Variants in TRPM3 observed in about 807,000 individuals in gnomAD.
TRPM3 encodes transient receptor potential cation channel subfamily M member 3, also known as long transient receptor potential channel 3.
A neutral mutation model predicts 181.2 loss-of-function variants in TRPM3; 77 were observed. That is an observed-to-expected ratio of 0.42 (90% confidence interval 0.35 to 0.51). TRPM3 has a LOEUF of 0.51. Among genes scored for constraint, TRPM3 ranks in the 20% least tolerant of loss-of-function variants. TRPM3 has a pLI of 0.01. For synonymous variants in TRPM3, 745 were observed against 796.4 expected, an observed-to-expected ratio of 0.94 and a Z score of 1.09; for missense variants, 1,759 against 2,196.7, an observed-to-expected ratio of 0.80 and a Z score of 3.98.
chr9:71,402,951 A>C (rs939474505), intron 1 of TRPM3, among the ~76,000 whole-genome samples: 5 of 152,168 alleles, frequency 3.3e-5, no homozygotes, highest in Non-Finnish European at 7.4e-5. Context: ...CCCTTGCAAA[A>C]GTTATAAAGA....
chr9:70,637,880 C>A (rs1390397780), intron 11 of TRPM3, among the ~76,000 whole-genome samples: 3 of 152,102 alleles, frequency 2.0e-5, no homozygotes, highest in African/African-American at 7.2e-5. Flanking sequence ...TGTTTGTGTC[C>A]TCTCCAGAAT....
intron 1 of TRPM3, among the ~76,000 whole-genome samples, chr9:71,394,600 A>G (rs989774353): frequency 1.3e-5 from 2 of 152,128 alleles, no homozygotes; most frequent in East Asian, 3.8e-4. Context: ...GAATTCACCA[A>G]TTTCAGTAAC....
At chr9:71,074,871 T>C (rs1318139593) in intron 1 of TRPM3, among the ~76,000 whole-genome samples, 5 of 152,084 alleles carry the variant, frequency 3.3e-5, no homozygotes, top group African/African-American at 9.7e-5. Context: ...ATAACCCTTT[T>C]TAAGGAGAAA....
chr9:71,197,928 A>G (rs1013127811), intron 1 of TRPM3, among the ~76,000 whole-genome samples: 6 of 151,164 alleles, frequency 4.0e-5, no homozygotes, highest in African/African-American at 9.7e-5. Context: ...TTGGTGTTTC[A>G]GACATGAAGT....
chr9:71,103,446 G>T (rs919623406), intron 1 of TRPM3, among the ~76,000 whole-genome samples: 6 of 152,128 alleles, frequency 3.9e-5, no homozygotes, highest in Admixed American at 2.0e-4. Flanking sequence ...TAAGGTCTGA[G>T]ATTTTAGAAG....
At chr9:71,164,377 A>C (rs1279488561) in intron 1 of TRPM3, among the ~76,000 whole-genome samples, 4 of 152,160 alleles carry the variant, frequency 2.6e-5, no homozygotes, top group African/African-American at 9.6e-5. Flanking sequence ...CAGTGTCACA[A>C]GAGTTGAGTT....
intron 1 of TRPM3, among the ~76,000 whole-genome samples, chr9:70,944,097 T>C (rs1389842377): frequency 6.6e-6 from 1 of 152,108 alleles, no homozygotes; most frequent in African/African-American, 2.4e-5. Flanking sequence ...TAATTTCTTA[T>C]CACAAGAAAA....
At chr9:70,937,183 T>A (rs1006608840) in intron 1 of TRPM3, among the ~76,000 whole-genome samples, 31 of 152,162 alleles carry the variant, frequency 2.0e-4, no homozygotes, top group African/African-American at 7.5e-4. Flanking sequence ...AATAAGTCTT[T>A]CAAAGTAGCT....
chr9:70,966,612 G>A (rs568371569), intron 1 of TRPM3, among the ~76,000 whole-genome samples: 9 of 152,172 alleles, frequency 5.9e-5, no homozygotes, highest in Non-Finnish European at 1.3e-4. Context: ...GGAGCTGGAG[G>A]CCATTATCCT....
chr9:70,581,869 G>A (rs1030979316), intron 22 of TRPM3, among the ~76,000 whole-genome samples: 1 of 151,886 alleles, frequency 6.6e-6, no homozygotes, highest in Non-Finnish European at 1.5e-5. Context: ...AGGGCCAGCA[G>A]GTGGGCCAGT....
chr9:71,162,941 C>T (rs999279272), intron 1 of TRPM3, among the ~76,000 whole-genome samples: 2 of 152,076 alleles, frequency 1.3e-5, no homozygotes, highest in African/African-American at 4.8e-5. Context: ...ATGGGTGTTA[C>T]AGAACAGGAG....
chr9:70,630,736 T>C (rs1005666984), intron 12 of TRPM3, among the ~76,000 whole-genome samples: 1 of 152,030 alleles, frequency 6.6e-6, no homozygotes, highest in Admixed American at 6.6e-5. Flanking sequence ...CAGTGGGAGG[T>C]CATGTGATTC....
intron 1 of TRPM3, among the ~76,000 whole-genome samples, chr9:71,145,678 ACTATT>A (rs1353987707): frequency 3.9e-5 from 6 of 152,174 alleles, no homozygotes; most frequent in Non-Finnish European, 7.4e-5. Flanking sequence ...CTGTTAGTAT[ACTATT>A]CTGAGTAATG....
intron 12 of TRPM3, among the ~76,000 whole-genome samples, chr9:70,629,348 C>A (rs1405170000): frequency 6.7e-6 from 1 of 149,530 alleles, no homozygotes; most frequent in African/African-American, 2.5e-5. Context: ...TTGTTTTTTT[C>A]TTTTGAGACG....
At chr9:71,210,691 C>G (rs544965589) in intron 1 of TRPM3, among the ~76,000 whole-genome samples, 1 of 152,196 alleles carries the variant, frequency 6.6e-6, no homozygotes, top group Non-Finnish European at 1.5e-5. Flanking sequence ...ACAGTTGGCA[C>G]GTGGACTTTG....
intron 5 of TRPM3, among the ~76,000 whole-genome samples, chr9:70,841,783 G>A (rs2131985128): frequency 6.6e-6 from 1 of 150,640 alleles, no homozygotes; most frequent in East Asian, 2.0e-4. Flanking sequence ...GTCTTTTGCA[G>A]CAACATGGAT....
chr9:70,858,565 A>G (rs2095443995), intron 3 of TRPM3, among the ~76,000 whole-genome samples: 1 of 152,118 alleles, frequency 6.6e-6, no homozygotes, highest in South Asian at 2.1e-4. Context: ...GAAGAGCTGG[A>G]ACTTCCACTT....
intron 1 of TRPM3, among the ~76,000 whole-genome samples, chr9:71,262,903 A>C (rs990482311): frequency 6.6e-6 from 1 of 151,826 alleles, no homozygotes; most frequent in Non-Finnish European, 1.5e-5. Flanking sequence ...TGCAGAAATC[A>C]CCCGCCTTCT....
At chr9:70,801,262 C>T (rs1315766793) in intron 6 of TRPM3, among the ~76,000 whole-genome samples, 1 of 152,112 alleles carries the variant, frequency 6.6e-6, no homozygotes, top group African/African-American at 2.4e-5. Context: ...AAAAAGGGAC[C>T]TGAGTTTATT....
Sources: gnomAD v4.1 joint callset for allele counts (sites outside exome capture counted in the v4.1 genomes callset) on GRCh38, gnomAD v4.1.1 for gene constraint, MANE v1.5 for transcripts, NCBI Gene and HGNC (gene_info 2026-07-23, HGNC 2026-07-21) for gene names.